Variants in KIF21A observed in about 807,000 individuals in gnomAD.
KIF21A encodes the protein kinesin family member 21A.
A neutral mutation model predicts 202.9 loss-of-function variants in KIF21A; 114 were observed. The observed-to-expected ratio is 0.56, with a 90% CI of 0.48 to 0.66. The LOEUF (loss-of-function observed/expected upper bound fraction) is 0.66. KIF21A is among the 30% of genes least tolerant of loss of function. The pLI is 0.00. For missense variants in KIF21A, 1,677 were observed against 1,994.9 expected (o/e 0.84, Z 3.04); for synonymous variants, 667 against 670.8 (o/e 0.99, Z 0.09).
chr12:39,416,455 G>T (rs927977152), intron 1 of KIF21A, among the ~76,000 whole-genome samples: 1 of 151,732 alleles, frequency 6.6e-6, no homozygotes, highest in Non-Finnish European at 1.5e-5. Context: ...AATTAGCCAG[G>T]TGTGGTGGCA....
rs564459241 is a variant in KIF21A, at chr12:39,416,789, GTA to G, written c.44+26136_44+26137del. Among the ~76,000 whole-genome samples the G allele has an allele frequency of 4.0e-3, 414 of 104,554 alleles. 20 individuals carry two copies. Among genetic ancestry groups the G allele is most frequent in the East Asian group, 0.014 (36 of 2,602 alleles). The allele number at this position is 104,554 out of a possible 152,430, so 68.6% of individuals were successfully genotyped here. On this transcript the variant is annotated intron_variant, in intron 1 of 37. Coordinates refer to ENST00000361418, the MANE Select transcript of KIF21A (RefSeq NM_001173464.2). Reference sequence around the variant, plus strand: ...TATATATATATGTACATATATATGTGTATATATATGTACATATATATGTGTGT... The same window carrying G: ...TATATATATATGTACATATATATGTGTATATATGTACATATATATGTGTGT...
chr12:39,433,189 T>C (rs1241311994), intron 1 of KIF21A, among the ~76,000 whole-genome samples: 1 of 152,064 alleles, frequency 6.6e-6, no homozygotes, highest in Non-Finnish European at 1.5e-5. Flanking sequence ...TATAAACTGA[T>C]TTTGAGATCA....
intron 33 of KIF21A, 53 bp downstream of exon 33, chr12:39,309,533 A>AC: frequency 7.4e-7 from 1 of 1,342,700 alleles, no homozygotes; most frequent in East Asian, 2.4e-5. Flanking sequence ...GTAAAAAAAA[A>AC]AAAAAAAGAA....
chr12:39,443,027 C>T lies in KIF21A; in HGVS notation c.-57G>A. On this transcript the variant is annotated 5_prime_UTR_variant, in exon 1 of 38. Transcript: ENST00000361418. ...CCTCGGCACCGCAGAGCTGAGGCGCCACTGGGGCCGCGGGACTCGGGCGCA... is the reference window on the plus strand; with the variant it reads ...CCTCGGCACCGCAGAGCTGAGGCGCTACTGGGGCCGCGGGACTCGGGCGCA... 1 of 1,488,252 alleles carries T rather than the reference C, an allele frequency of 6.7e-7. No individual in the cohort carries two copies. Among genetic ancestry groups the T allele is most frequent in the Non-Finnish European group, 8.9e-7 (1 of 1,124,920 alleles). The allele number at this position is 1,488,252 out of a possible 1,614,324, so 92.2% of individuals were successfully genotyped here. A position where few individuals can be genotyped will look rare whatever the true frequency, so the allele number is the denominator to read the frequency against.
At chr12:39,381,340 G>A (rs1950603495) in intron 1 of KIF21A, among the ~76,000 whole-genome samples, 1 of 151,552 alleles carries the variant, frequency 6.6e-6, no homozygotes, top group Admixed American at 6.6e-5. Flanking sequence ...TTCATTATGG[G>A]GAAAGCTAGC....
chr12:39,405,085 C>T (rs1412936562), intron 1 of KIF21A, among the ~76,000 whole-genome samples: 2 of 152,108 alleles, frequency 1.3e-5, no homozygotes, highest in African/African-American at 4.8e-5. Flanking sequence ...CAGGCACTGG[C>T]TCATGCATAT....
rs541413348 is a variant in KIF21A, at chr12:39,396,740, G to C, written c.45-26479C>G. ...GGGGAAGACATATGTAATGTCTTTGGGTAGACATAGAAATATGTAAATATT... is the reference window on the plus strand; with the variant it reads ...GGGGAAGACATATGTAATGTCTTTGCGTAGACATAGAAATATGTAAATATT... On this transcript the variant is annotated intron_variant, in intron 1 of 37. Coordinates refer to ENST00000361418, the MANE Select transcript of KIF21A (RefSeq NM_001173464.2). 2.0e-5 allele frequency among the ~76,000 whole-genome samples: 3 copies of C among 152,178 alleles called. No homozygotes were observed. In the South Asian group the frequency reaches 6.2e-4, roughly 32 times the overall value.
At chr12:39,401,158 A>G (rs1952145225) in intron 1 of KIF21A, among the ~76,000 whole-genome samples, 1 of 152,218 alleles carries the variant, frequency 6.6e-6, no homozygotes, top group African/African-American at 2.4e-5. Flanking sequence ...AGATAAAATA[A>G]GTACCACAAA....
Position 39,332,654 on chromosome 12 carries a change from T to C in KIF21A, c.2793A>G (p.Thr931=). The stretch of plus-strand genomic sequence containing the variant: ...TGGTCATCTTCTGCATGATGATGTC[T>C]GTGACCCTGCGCTCAAGGAGCTGCC... ...MKWQLLERRV[T]DIIMQKMTIS... Residue 931 remains threonine, a synonymous_variant, in exon 20 of 38, where the codon ACA becomes ACG. Transcript: ENST00000361418. The C allele has an allele frequency of 6.2e-7, 1 of 1,614,076 alleles. No homozygotes were observed. Among genetic ancestry groups the C allele is most frequent in the Non-Finnish European group, 8.5e-7 (1 of 1,179,964 alleles).
At chr12:39,396,050 C>T (rs561712572) in intron 1 of KIF21A, among the ~76,000 whole-genome samples, 12 of 152,014 alleles carry the variant, frequency 7.9e-5, no homozygotes, top group Non-Finnish European at 1.6e-4. Flanking sequence ...GGGGGAGGCA[C>T]GAACAATTAG....
chr12:39,416,981 C>T (rs1011507749), intron 1 of KIF21A, among the ~76,000 whole-genome samples: 2 of 151,336 alleles, frequency 1.3e-5, no homozygotes, highest in Non-Finnish European at 2.9e-5. Flanking sequence ...AGGAGCCATA[C>T]AAATGTTAGC....
At chr12:39,363,702 C>A (rs1295047878) in intron 6 of KIF21A, among the ~76,000 whole-genome samples, 1 of 152,188 alleles carries the variant, frequency 6.6e-6, no homozygotes, top group Non-Finnish European at 1.5e-5. Context: ...TATTCCTATG[C>A]AAGTATATCT....
intron 31 of KIF21A, among the ~76,000 whole-genome samples, chr12:39,314,962 A>G (rs1377244536): frequency 6.6e-6 from 1 of 151,924 alleles, no homozygotes; most frequent in Non-Finnish European, 1.5e-5. Context: ...ATTAGGATTA[A>G]TATTTTATAT....
chr12:39,442,887 ACCCGCCGCCCGCCG>A lies in KIF21A; in HGVS notation c.44+26_44+39del. The A allele has an allele frequency of 2.6e-6, 4 of 1,521,640 alleles. No individual in the cohort carries two copies. Among genetic ancestry groups the A allele is most frequent in the Admixed American group, 2.0e-5 (1 of 50,336 alleles). The allele number at this position is 1,521,640 out of a possible 1,614,324, so 94.3% of individuals were successfully genotyped here. On this transcript the variant is annotated intron_variant, in intron 1 of 37. Coordinates refer to ENST00000361418, the MANE Select transcript of KIF21A (RefSeq NM_001173464.2). The surrounding 1 kb of genome is among the most constrained non-coding windows in gnomAD (Gnocchi z 5.0). ...CAGCCAGGTCCTTGCCGCGCCCTCA[ACCCGCCGCCCGCCG>A]CCCGCCGCCGGCAGACTGTCCTCAC...
At chr12:39,317,617 C>G (rs1944699587) in intron 29 of KIF21A, among the ~76,000 whole-genome samples, 1 of 152,112 alleles carries the variant, frequency 6.6e-6, no homozygotes, top group African/African-American at 2.4e-5. Flanking sequence ...TTGTCTAGAA[C>G]AATCAGATGA....
chr12:39,403,109 ACAT>A (rs1346245659), intron 1 of KIF21A, among the ~76,000 whole-genome samples: 1 of 152,060 alleles, frequency 6.6e-6, no homozygotes, highest in African/African-American at 2.4e-5. Context: ...ACAAAAATAC[ACAT>A]CAAAAACCTT....
chr12:39,304,877 G>A lies in KIF21A; in HGVS notation c.4504C>T (p.Gln1502Ter). The change falls in exon 35 of 38, where the codon CAG becomes TAG. Residue 1502 changes from glutamine to a stop codon, truncating the protein, a stop_gained. Transcript: ENST00000361418. LOFTEE classifies it high-confidence loss of function. ...ATTAGATCTTGTCCACTGGAAATCT[G>A]ATCCACAGTAAGGCACATAACAGGG... Reference protein sequence around the residue: ...LGPVMCLTVDQISSGQDLIIT... With the variant: ...LGPVMCLTVD The A allele has an allele frequency of 6.2e-7, 1 of 1,609,938 alleles. No homozygotes were observed. The highest frequency in any genetic ancestry group is 8.5e-7 in the Non-Finnish European group (1 of 1,176,794).
At position 39,346,472 on chromosome 12, in the gene KIF21A, T is replaced by C. The variant is rs191150586; in HGVS notation, c.1706A>G (p.Glu569Gly). 6.8e-7 allele frequency: 1 copy of C among 1,476,610 alleles called. No homozygotes were observed. Among genetic ancestry groups the C allele is most frequent in the African/African-American group, 1.4e-5 (1 of 70,382 alleles). 91.5% of individuals were successfully genotyped at this position (1,476,610 alleles called of 1,614,324 possible). ...ACCTGGGAAATATTCCAACCTTCTTTCTTCTCGATTGCTTTCCTCAAGTTT... is the reference window on the plus strand; with the variant it reads ...ACCTGGGAAATATTCCAACCTTCTTCCTTCTCGATTGCTTTCCTCAAGTTT... ...LQKLEESNRE[E>G]RSVAGKEDNT... Residue 569 changes from glutamate (E) to glycine (G), a missense_variant, in exon 12 of 38, where the codon GAA becomes GGA. Glu to Gly is a moderately conservative substitution (Grantham distance 98). This residue lies in a region of KIF21A where 966 missense variants were observed against 1,180.9 expected (regional missense o/e 0.82). Coordinates refer to ENST00000361418, the MANE Select transcript of KIF21A (RefSeq NM_001173464.2).
At chr12:39,431,798 C>G (rs1937951333) in intron 1 of KIF21A, among the ~76,000 whole-genome samples, 1 of 152,194 alleles carries the variant, frequency 6.6e-6, no homozygotes, top group Non-Finnish European at 1.5e-5. Flanking sequence ...TCCAATTCCT[C>G]TCATGTAACA....
Sources: allele counts gnomAD v4.1 joint callset (sites outside exome capture counted in the v4.1 genomes callset), GRCh38; gene constraint gnomAD v4.1.1; regional missense constraint gnomAD v4.1.1; non-coding constraint Gnocchi (gnomAD v3.1); transcripts MANE v1.5; gene names NCBI Gene and HGNC (gene_info 2026-07-23, HGNC 2026-07-21).